Variants in SFMBT1 observed in about 807,000 individuals in gnomAD.
SFMBT1 encodes Scm like with four mbt domains 1, also known as scm-like with four MBT domains protein 1.
SFMBT1 carries 32 observed loss-of-function variants against 108.7 expected under a neutral mutation model. That is an observed-to-expected ratio of 0.29 (90% CI 0.22 to 0.40). The LOEUF is 0.40. SFMBT1 is among the 10% of genes least tolerant of loss of function. SFMBT1 has a pLI of 1.00. For synonymous variants in SFMBT1, 348 were observed against 369.5 expected, an observed-to-expected ratio of 0.94 and a Z score of 0.67; for missense variants, 816 against 1,059.6, an observed-to-expected ratio of 0.77 and a Z score of 3.19.
chr3:53,015,220 A>G (rs930397348), intron 1 of SFMBT1, among the ~76,000 whole-genome samples: 4 of 152,152 alleles, frequency 2.6e-5, no homozygotes, highest in Admixed American at 2.6e-4. Context: ...CCAAGGAAAA[A>G]AAAAAAAAAT....
chr3:52,945,679 C>T (rs1306349161), intron 3 of SFMBT1, among the ~76,000 whole-genome samples: 3 of 151,678 alleles, frequency 2.0e-5, no homozygotes, highest in East Asian at 1.9e-4. Flanking sequence ...TGGTGGCGGG[C>T]GCCTGTAGTC....
chr3:52,966,950 T>TTATA lies in SFMBT1; in HGVS notation c.28+2147_28+2150dup, dbSNP rs374164813. On this transcript the variant is annotated intron_variant, in intron 2 of 20. Coordinates refer to ENST00000394752, the MANE Select transcript of SFMBT1 (RefSeq NM_016329.4). ...TTAATAAAATGAAGATTGTGATAAG[T>TTATA]TATATATATATATATATACTATAAT... Among the ~76,000 whole-genome samples, 198 of 146,744 alleles carry TTATA rather than the reference T, an allele frequency of 1.3e-3. 1 individual carries two copies. The Middle Eastern group carries it at 0.014, about 10-fold the overall frequency.
chr3:53,035,196 CCGGCCAAA>C, intron 1 of SFMBT1, among the ~76,000 whole-genome samples: 1 of 149,820 alleles, frequency 6.7e-6, no homozygotes, highest in East Asian at 2.0e-4. Context: ...TGGACTTTAC[CCGGCCAAA>C]TGTGGGATTT....
At chr3:52,922,549 C>T (rs1195466140) in intron 10 of SFMBT1, among the ~76,000 whole-genome samples, 1 of 152,066 alleles carries the variant, frequency 6.6e-6, no homozygotes, top group Non-Finnish European at 1.5e-5. Context: ...AGAACAGGGT[C>T]TGGAAACTAA....
intron 1 of SFMBT1, among the ~76,000 whole-genome samples, chr3:53,032,701 T>C (rs1559556842): frequency 6.6e-6 from 1 of 152,264 alleles, no homozygotes; most frequent in East Asian, 1.9e-4. Context: ...TACTCTGTGC[T>C]AGGTTGTGTG....
chr3:52,987,004 C>A (rs1440695599), intron 1 of SFMBT1, among the ~76,000 whole-genome samples: 1 of 151,984 alleles, frequency 6.6e-6, no homozygotes, highest in East Asian at 1.9e-4. Context: ...TTTTTATTTA[C>A]TTGTTAAAAC....
Position 52,932,135 on chromosome 3 carries a change from C to T in SFMBT1, c.627G>A (p.Leu209=). The T allele has an allele frequency of 6.2e-7, 1 of 1,614,130 alleles. No homozygotes were observed. The highest frequency in any genetic ancestry group is 1.1e-5 in the South Asian group (1 of 91,080). ...LESSDNYEHW[L]YYLDPFLHHV... ...GATGAAGAAATGGATCCAAGTAATA[C>T]AACCAATGTTCATAATTGTCAGAAC... The change falls in exon 6 of 21, where the codon TTG becomes TTA. Residue 209 remains leucine (L), a synonymous_variant. Transcript: ENST00000394752.
chr3:52,946,351 C>G (rs1050616302), intron 3 of SFMBT1, among the ~76,000 whole-genome samples: 2 of 152,224 alleles, frequency 1.3e-5, no homozygotes, highest in South Asian at 2.1e-4. Flanking sequence ...AGTCCTCCCC[C>G]GCTAGTCACT....
chr3:52,916,821 C>A (rs1702372901), intron 13 of SFMBT1, among the ~76,000 whole-genome samples: 1 of 152,168 alleles, frequency 6.6e-6, no homozygotes, highest in Non-Finnish European at 1.5e-5. Context: ...ACTTTCTCTT[C>A]ATTCACTGGG....
chr3:52,928,092 C>T lies in SFMBT1; in HGVS notation c.1048+99G>A. On this transcript the variant is annotated intron_variant, in intron 9 of 20. Transcript: ENST00000394752. ...CAAAAACGTTAGGAACAGGCTAGGG[C>T]AGGAGGAGAGGGACAAAAGATTTCA... The T allele has an allele frequency of 3.4e-6, 5 of 1,464,136 alleles. No homozygotes were observed. In the South Asian group the frequency reaches 6.6e-5, roughly 19 times the overall value. The allele number at this position is 1,464,136 out of a possible 1,614,324, so 90.7% of individuals were successfully genotyped here. A position where few individuals can be genotyped will look rare whatever the true frequency, so the allele number is the denominator to read the frequency against.
rs143422370 is a variant in SFMBT1, at chr3:52,930,974, T to C, written c.762A>G (p.Glu254=). ...WQEILAKVKE[E]EEEPLPSYLF... ...AGTAAGATGGTAATGGCTCTTCCTCTTCCTCTTTCACTTTGGCCAAAATCT... is the reference window on the plus strand; with the variant it reads ...AGTAAGATGGTAATGGCTCTTCCTCCTCCTCTTTCACTTTGGCCAAAATCT... Residue 254 remains glutamate, a synonymous_variant, in exon 7 of 21, where the codon GAA becomes GAG. Transcript: ENST00000394752. The C allele has an allele frequency of 1.2e-6, 2 of 1,613,968 alleles. No homozygotes were observed. The highest frequency in any genetic ancestry group is 2.2e-5 in the East Asian group (1 of 44,876).
At position 52,917,528 on chromosome 3, in the gene SFMBT1, A is replaced by G. The variant is rs1702395730; in HGVS notation, c.1415+956T>C. 2.6e-5 allele frequency among the ~76,000 whole-genome samples: 4 copies of G among 152,276 alleles called. 1 individual carries two copies. The highest frequency in any genetic ancestry group is 3.4e-3 in the Middle Eastern group (1 of 294). On this transcript the variant is annotated intron_variant, in intron 13 of 20. Transcript: ENST00000394752. ...CTTGATCTTGGATTTTCCAGCCTCC[A>G]GAATGTAAGAAAATAAATTTCTGTG...
chr3:52,980,525 T>G (rs1704673465), intron 1 of SFMBT1, among the ~76,000 whole-genome samples: 1 of 152,132 alleles, frequency 6.6e-6, no homozygotes, highest in African/African-American at 2.4e-5. Flanking sequence ...GGACGTGCTT[T>G]CAAGAAGCAG....
intron 1 of SFMBT1, among the ~76,000 whole-genome samples, chr3:53,002,680 T>C (rs945699222): frequency 1.3e-5 from 2 of 150,004 alleles, no homozygotes; most frequent in African/African-American, 4.8e-5. Context: ...CCTACAGTCA[T>C]TGGGCTCAAG....
chr3:52,932,638 T>C (rs1702891538), intron 5 of SFMBT1, among the ~76,000 whole-genome samples: 1 of 152,158 alleles, frequency 6.6e-6, no homozygotes, highest in South Asian at 2.1e-4. Context: ...GGTCCAGGCA[T>C]GGTGGCTCAC....
chr3:52,970,435 G>A (rs1486475101), intron 1 of SFMBT1, among the ~76,000 whole-genome samples: 1 of 152,056 alleles, frequency 6.6e-6, no homozygotes, highest in Non-Finnish European at 1.5e-5. Context: ...GTTCATCCAC[G>A]TTGCAGTATG....
intron 4 of SFMBT1, among the ~76,000 whole-genome samples, chr3:52,936,238 C>T (rs964865674): frequency 7.2e-5 from 11 of 152,144 alleles, no homozygotes; most frequent in African/African-American, 2.7e-4. Flanking sequence ...AACCAAAGAA[C>T]TTCCATAAAG....
At chr3:52,994,017 T>TA (rs1698231886) in intron 1 of SFMBT1, among the ~76,000 whole-genome samples, 1 of 150,410 alleles carries the variant, frequency 6.6e-6, no homozygotes, top group African/African-American at 2.4e-5. Flanking sequence ...ATCTTTATAA[T>TA]ACAAGTAGAA....
chr3:52,947,120 CT>C (rs111716780), intron 3 of SFMBT1, among the ~76,000 whole-genome samples: 378 of 139,626 alleles, frequency 2.7e-3, no homozygotes, highest in African/African-American at 2.8e-3. Context: ...GTCTTTTTCA[CT>C]TTTTTTTTTT....
Sources: gnomAD v4.1 joint callset for allele counts (sites outside exome capture counted in the v4.1 genomes callset) on GRCh38, gnomAD v4.1.1 for gene constraint, MANE v1.5 for transcripts, NCBI Gene and HGNC (gene_info 2026-07-23, HGNC 2026-07-21) for gene names.